The following PKN3 variants were observed in gnomAD, a reference collection of about 807,000 sequenced individuals.
The protein encoded by PKN3 is protein kinase N3.
In PKN3, 91 loss-of-function variants were observed where a neutral mutation model predicts 113.1. That is an observed-to-expected ratio of 0.80 (90% confidence interval 0.68 to 0.96). The LOEUF is 0.96. PKN3 is among the 40% of genes least tolerant of loss of function. The pLI is 0.00. For missense variants in PKN3, 1,052 were observed against 1,202.2 expected (o/e 0.88, Z 1.85); for synonymous variants, 467 against 499.0 (o/e 0.94, Z 0.85).
Position 128,702,715 on chromosome 9 carries a change from T to C in PKN3, c.-201T>C. 2.1e-6 allele frequency: 1 copy of C among 482,618 alleles called. No homozygotes were observed. Among genetic ancestry groups the C allele is most frequent in the Non-Finnish European group, 3.6e-6 (1 of 277,338 alleles). The allele number at this position is 482,618 out of a possible 1,614,324, so 29.9% of individuals were successfully genotyped here. The stretch of plus-strand genomic sequence containing the variant: ...GCGCTGGGGCGCGGGACCTCGGGCG[T>C]GGGGTCCCGGGCGCTGGATCGGCGC... On this transcript the variant is annotated 5_prime_UTR_variant, in exon 1 of 22. Transcript: ENST00000291906.
At chr9:128,705,571 G>T in intron 2 of PKN3, 28 bp downstream of exon 2, 1 of 1,551,064 alleles carries the variant, frequency 6.4e-7, no homozygotes, top group Admixed American at 2.0e-5. Context: ...ACCCCCTCAG[G>T]ACAGAAGGCT....
rs778143168 is a variant in PKN3, at chr9:128,714,261, G to C, written c.1377G>C (p.Met459Ile). The change falls in exon 11 of 22, where the codon ATG becomes ATC. Residue 459 changes from methionine (M) to isoleucine (I), a missense_variant. Coordinates refer to ENST00000291906, the MANE Select transcript of PKN3 (RefSeq NM_013355.5). ...LGMAAWGRLV[M>I]NLLPPCSSPS... is the part of the protein sequence containing the mutation. ...TGGCGGCCTGGGGGCGCCTCGTCAT[G>C]AACCTGCTGCCCCCCTGCAGCTCCC... is the stretch of plus-strand genomic sequence containing the variant. 29 of 1,613,908 alleles carry C rather than the reference G, an allele frequency of 1.8e-5. No individual in the cohort carries two copies. The highest frequency in any genetic ancestry group is 2.4e-5 in the Non-Finnish European group (28 of 1,179,926).
chr9:128,711,252 C>T (rs185512793), intron 6 of PKN3, among the ~76,000 whole-genome samples: 157 of 151,180 alleles, frequency 1.0e-3, no homozygotes, highest in African/African-American at 3.6e-3. Flanking sequence ...GTGATTTGCC[C>T]GCCTTGGCCT....
rs369244153 is a variant in PKN3 at position 128,713,032 on chromosome 9, C to A, written c.836-20C>A. The A allele has an allele frequency of 4.0e-5, 63 of 1,577,306 alleles. No homozygotes were observed. The African/African-American group carries it at 8.0e-4, about 20-fold the overall frequency. On this transcript the variant is annotated intron_variant, in intron 6 of 21. Coordinates refer to ENST00000291906, the MANE Select transcript of PKN3 (RefSeq NM_013355.5). The stretch of plus-strand genomic sequence containing the variant: ...GGGAAGATGGCATCTGACAACGCCC[C>A]CCGCTCACTCTCCCCACAGGGACAC...
Position 128,706,898 on chromosome 9 carries a change from C to A in PKN3, c.526C>A (p.Pro176Thr), listed in dbSNP as rs114614395. The A allele has an allele frequency of 1.8e-5, 29 of 1,614,116 alleles. No individual in the cohort carries two copies. The African/African-American group carries it at 3.3e-4, about 19-fold the overall frequency. Residue 176 changes from proline (P) to threonine (T), a missense_variant and splice_region_variant, in exon 5 of 22, where the codon CCT becomes ACT. Coordinates refer to ENST00000291906, the MANE Select transcript of PKN3 (RefSeq NM_013355.5). ...GAGAGCCGCCGTCCTTCCCACAGGG[C>A]CTGAGCTGCTGGCGGAGGAGCTACA... ...LEASGSPEPG[P>T]ELLAEELQHR...
chr9:128,720,511 C>T lies in PKN3; in HGVS notation c.2575C>T (p.Leu859=), dbSNP rs1373998020. Residue 859 remains leucine, a synonymous_variant, in exon 22 of 22, where the codon CTG becomes TTG. Coordinates refer to ENST00000291906, the MANE Select transcript of PKN3 (RefSeq NM_013355.5). The surrounding 1 kb of genome is among the most constrained non-coding windows in gnomAD (Gnocchi z 5.5). ...EGEFTGLPPA[L]TPPAPHSLLT... The stretch of plus-strand genomic sequence containing the variant: ...CGAGTTCACAGGGCTGCCGCCTGCC[C>T]TGACCCCACCTGCACCCCACAGCCT... The T allele has an allele frequency of 6.2e-7, 1 of 1,613,406 alleles. No individual in the cohort carries two copies. Among genetic ancestry groups the T allele is most frequent in the East Asian group, 2.2e-5 (1 of 44,888 alleles).
At chr9:128,712,749 C>T (rs545020487) in intron 6 of PKN3, among the ~76,000 whole-genome samples, 13 of 152,276 alleles carry the variant, frequency 8.5e-5, no homozygotes, top group African/African-American at 2.6e-4. Flanking sequence ...TCTGGGACAA[C>T]GTGGCTCCTC....
intron 16 of PKN3, among the ~76,000 whole-genome samples, chr9:128,717,147 A>C (rs1393267290): frequency 8.2e-4 from 2 of 2,438 alleles, no homozygotes; most frequent in South Asian, 0.016. Flanking sequence ...TTTTTTTGTG[A>C]GACAGAGTCT....
In PKN3 at chr9:128,715,306, T is replaced by C. The variant is rs1862307118; in HGVS notation, c.1717-63T>C. The C allele has an allele frequency of 6.2e-7, 1 of 1,606,724 alleles. No individual in the cohort carries two copies. On this transcript the variant is annotated intron_variant, in intron 14 of 21. Transcript: ENST00000291906. This position sits in a 1 kb window ranked among gnomAD's most constrained non-coding sequence, Gnocchi z 4.1. ...TCACATGAGCCGGGAGGACCTGATC[T>C]GTGGGGGCGGTAAAGGCTCCCTGGT...
chr9:128,705,420 C>G lies in PKN3; in HGVS notation c.142C>G (p.Arg48Gly), dbSNP rs765133433. Reference protein sequence around the residue: ...ENLRRVATDRRHLGHVQQLLR... With the variant: ...ENLRRVATDRGHLGHVQQLLR... ...CCTGCGGCGCGTGGCCACAGACCGCCGCCACTTGGGCCATGTGCAGCAGCT... is the reference window on the plus strand; with the variant it reads ...CCTGCGGCGCGTGGCCACAGACCGCGGCCACTTGGGCCATGTGCAGCAGCT... Residue 48 changes from arginine (R) to glycine (G), a missense_variant, in exon 2 of 22, where the codon CGC (arginine) becomes GGC (glycine). Physicochemically the swap from Arg to Gly is moderately radical, Grantham distance 125. This residue lies in a region of PKN3 where 719 missense variants were observed against 759.4 expected (regional missense o/e 0.95). Transcript: ENST00000291906. 6.3e-7 allele frequency: 1 copy of G among 1,594,982 alleles called. No individual in the cohort carries two copies. Among genetic ancestry groups the G allele is most frequent in the East Asian group, 2.3e-5 (1 of 43,786 alleles).
At position 128,713,621 on chromosome 9, in the gene PKN3, G is replaced by T; in HGVS notation, c.1215G>T (p.Pro405=). The T allele has an allele frequency of 3.7e-6, 6 of 1,613,640 alleles. No homozygotes were observed. The highest frequency in any genetic ancestry group is 4.2e-6 in the Non-Finnish European group (5 of 1,179,964). The change falls in exon 9 of 22, where the codon CCG becomes CCT. Residue 405 remains proline (P), a synonymous_variant. Transcript: ENST00000291906. ...ACCAACTGTCCCTCAGCCTGGTACC[G>T]CAGGGACTGCTTTTTGCCCAGGTGC... The part of the protein sequence containing the change: ...ACHQLSLSLV[P]QGLLFAQVTF...
intron 1 of PKN3, among the ~76,000 whole-genome samples, chr9:128,704,571 C>G (rs1027025788): frequency 6.6e-6 from 1 of 152,140 alleles, no homozygotes; most frequent in Admixed American, 6.5e-5. Flanking sequence ...TCCTCTGTGT[C>G]TTGACTGTGG....
intron 18 of PKN3, among the ~76,000 whole-genome samples, chr9:128,718,890 T>TG (rs1452505257): frequency 3.5e-5 from 1 of 28,518 alleles, no homozygotes; most frequent in East Asian, 1.9e-3. Context: ...CCTTCTGTTT[T>TG]TTTTTTGGTT....
In PKN3 at chr9:128,702,953, G is replaced by A; in HGVS notation, c.24+14G>A. ...GCGCCGCGGCAGGTGAACGGCGTGG[G>A]AGGGGCGCGCGGGCCCGGGGGGTGC... On this transcript the variant is annotated intron_variant, in intron 1 of 21. Coordinates refer to ENST00000291906, the MANE Select transcript of PKN3 (RefSeq NM_013355.5). 1 of 1,430,526 alleles carries A rather than the reference G, an allele frequency of 7.0e-7. No homozygotes were observed. Among genetic ancestry groups the A allele is most frequent in the Non-Finnish European group, 9.1e-7 (1 of 1,097,584 alleles). 88.6% of individuals were successfully genotyped at this position (1,430,526 alleles called of 1,614,324 possible).
At position 128,713,129 on chromosome 9, in the gene PKN3, GC is replaced by G; in HGVS notation, c.915del (p.Ser306AlafsTer29). 7.4e-6 allele frequency: 12 copies of G among 1,611,848 alleles called. No individual in the cohort carries two copies. Among genetic ancestry groups the G allele is most frequent in the Non-Finnish European group, 1.0e-5 (12 of 1,179,162 alleles). ...TGGGCGCTCCCCAGCGGCCGCACTG[GC>G]CAGCAGCCCCTCCGAGGGCTGGCTT... is the stretch of plus-strand genomic sequence containing the variant. ...VPGRSPAAAL[A>X]SSPSEGWLRT... On this transcript the variant is annotated frameshift_variant, in exon 7 of 22. Coordinates refer to ENST00000291906, the MANE Select transcript of PKN3 (RefSeq NM_013355.5). LOFTEE classifies it high-confidence loss of function.
intron 6 of PKN3, among the ~76,000 whole-genome samples, chr9:128,712,084 A>G (rs796929012): frequency 1.1e-4 from 16 of 150,648 alleles, no homozygotes; most frequent in African/African-American, 4.0e-4. Context: ...TGGTTTTTGT[A>G]TTTTTAGTTG....
intron 1 of PKN3, chr9:128,703,551 G>T (rs1368331755): frequency 1.0e-6 from 1 of 985,268 alleles, no homozygotes; most frequent in Non-Finnish European, 1.2e-6. Context: ...CCGGAGGACC[G>T]AGGCCATGTC....
chr9:128,714,965 C>G, intron 13 of PKN3, 100 bp downstream of exon 13: 1 of 1,211,236 alleles, frequency 8.3e-7, no homozygotes, highest in Non-Finnish European at 1.2e-6. Context: ...CTGGCGGGTG[C>G]GCTGACTGGC....
rs1564376392 is a variant in PKN3, at chr9:128,715,669, T to C, written c.1808+209T>C. On this transcript the variant is annotated intron_variant, in intron 15 of 21. Transcript: ENST00000291906. This position sits in a 1 kb window ranked among gnomAD's most constrained non-coding sequence, Gnocchi z 4.1. ...TTTGCTCTACTGTAAAATGGGGGCA[T>C]TGGTGGCTGTGCACGTTCAGAGCTC... Among the ~76,000 whole-genome samples, 2 of 152,146 alleles carry C rather than the reference T, an allele frequency of 1.3e-5. No homozygotes were observed. The highest frequency in any genetic ancestry group is 2.9e-5 in the Non-Finnish European group (2 of 68,012).
Sources: gnomAD v4.1 joint callset for allele counts (sites outside exome capture counted in the v4.1 genomes callset) on GRCh38, gnomAD v4.1.1 for gene constraint, gnomAD v4.1.1 regional missense constraint, Gnocchi (gnomAD v3.1) non-coding constraint, MANE v1.5 for transcripts, NCBI Gene and HGNC (gene_info 2026-07-23, HGNC 2026-07-21) for gene names.